Variants in ZNF318 observed in about 807,000 individuals in gnomAD.
ZNF318 encodes zinc finger protein 318.
ZNF318 carries 51 observed loss-of-function variants against 124.2 expected under a neutral mutation model. The ratio of observed to expected loss-of-function variants is 0.41; its 90% confidence interval spans 0.33 to 0.52. ZNF318 has a LOEUF of 0.52. Among genes scored for constraint, ZNF318 ranks in the 20% least tolerant of loss-of-function variants. The probability of loss-of-function intolerance (pLI) is 0.23; values close to 1 mark genes in which losing one functional copy is unlikely to be tolerated. For synonymous variants in ZNF318, 1,090 were observed against 1,040.7 expected, an observed-to-expected ratio of 1.05 and a Z score of -0.91; for missense variants, 2,815 against 2,811.2, an observed-to-expected ratio of 1.00 and a Z score of -0.03.
At chr6:43,340,621 C>T (rs1779361540) in intron 9 of ZNF318, 119 bp from the exon 10 acceptor site, 3 of 1,504,730 alleles carry the variant, frequency 2.0e-6, no homozygotes, top group Non-Finnish European at 2.6e-6. Flanking sequence ...TCCTCAAGGA[C>T]ATACGGGATG....
rs767724409 is a variant in ZNF318, at chr6:43,352,346, CAA to C, written c.2770+29_2770+30del. ...TTTGGGTCTCCTACGCAAGTTATTA[CAA>C]AAAGGCAGTCATGCAAAGCAGCTGA... On this transcript the variant is annotated intron_variant, in intron 5 of 9. Transcript: ENST00000361428. 8.2e-6 allele frequency: 12 copies of C among 1,462,572 alleles called. No homozygotes were observed. In the Admixed American group the frequency reaches 2.4e-4, roughly 29 times the overall value. The allele number at this position is 1,462,572 out of a possible 1,614,324, so 90.6% of individuals were successfully genotyped here.
At chr6:43,343,827 C>CAAAAA (rs10560070) in intron 6 of ZNF318, among the ~76,000 whole-genome samples, 1 of 101,934 alleles carries the variant, frequency 9.8e-6, no homozygotes, top group Non-Finnish European at 2.1e-5. Flanking sequence ...GACCCTGTCT[C>CAAAAA]AAAAAAAAAA....
At position 43,367,199 on chromosome 6, in the gene ZNF318, AC is replaced by A. The variant is rs1469666082; in HGVS notation, c.400-1760del. On this transcript the variant is annotated intron_variant, in intron 1 of 9. Transcript: ENST00000361428. ...CTTAGTACTTAATTACATTTAACAT[AC>A]CATCGCATTTCTAACTTCAACTTAT... 2.6e-5 allele frequency among the ~76,000 whole-genome samples: 4 copies of A among 152,262 alleles called. No individual in the cohort carries two copies. The East Asian group carries it at 5.8e-4, about 22-fold the overall frequency.
intron 2 of ZNF318, among the ~76,000 whole-genome samples, chr6:43,362,518 C>CTTTTTTTTTTTTTTT (rs1180416139): frequency 2.5e-5 from 2 of 80,896 alleles, no homozygotes; most frequent in Non-Finnish European, 4.2e-5. Flanking sequence ...ACATACACGT[C>CTTTTTTTTTTTTTTT]TTTTTTTTTT....
rs1334976144 is a variant in ZNF318 at position 43,348,411 on chromosome 6, A to G, written c.2985T>C (p.Ser995=). 1 of 1,614,018 alleles carries G rather than the reference A, an allele frequency of 6.2e-7. No individual in the cohort carries two copies. The highest frequency in any genetic ancestry group is 8.5e-7 in the Non-Finnish European group (1 of 1,180,010). ...TCCCAGGCTTCTCTGTAGGCTCTCT[A>G]CTGTCACTTAAAGACTTCTGGGATT... ...FDKSQKSLSD[S]REPTEKPGKA... The change falls in exon 6 of 10, where the codon AGT becomes AGC. Residue 995 remains serine, a synonymous_variant. Transcript: ENST00000361428.
chr6:43,355,653 C>G lies in ZNF318; in HGVS notation c.1681G>C (p.Glu561Gln), dbSNP rs1306323182. ...VPKPLGSSES[E>Q]VMRQKASSLP... ...GAGCTTGCCTTCTGCCTCATAACTT[C>G]ACTCTCAGAGCTCCCAAGGGGCTTT... Residue 561 changes from glutamate (E) to glutamine (Q), a missense_variant, in exon 4 of 10, where the codon GAA becomes CAA. By Grantham distance (29) the Glu-to-Gln change is conservative (BLOSUM62 2). Around this residue, in one of 4 missense-constraint regions of ZNF318, gnomAD observed 1,377 missense variants for 1,353.5 expected, o/e 1.02. Coordinates refer to ENST00000361428, the MANE Select transcript of ZNF318 (RefSeq NM_014345.3). The G allele has an allele frequency of 6.2e-7, 1 of 1,614,220 alleles. No homozygotes were observed. The highest frequency in any genetic ancestry group is 1.1e-5 in the South Asian group (1 of 91,086).
intron 4 of ZNF318, among the ~76,000 whole-genome samples, chr6:43,352,989 A>G (rs986970571): frequency 2.6e-5 from 4 of 152,334 alleles, no homozygotes; most frequent in South Asian, 2.1e-4. Context: ...CAATCCAGGT[A>G]TATCTGCCCT....
chr6:43,348,747 A>G (rs1581643122), intron 5 of ZNF318, 122 bp from the exon 6 acceptor site: 3 of 1,198,066 alleles, frequency 2.5e-6, no homozygotes, highest in East Asian at 2.5e-5. Context: ...AACGTTTCTA[A>G]GAGTGGCTAG....
chr6:43,340,187 A>G lies in ZNF318; in HGVS notation c.3811T>C (p.Ser1271Pro), dbSNP rs1779353039. 6.2e-7 allele frequency: 1 copy of G among 1,614,086 alleles called. No individual in the cohort carries two copies. The highest frequency in any genetic ancestry group is 8.5e-7 in the Non-Finnish European group (1 of 1,179,996). The change falls in exon 10 of 10, where the codon TCT (serine) becomes CCT (proline). Residue 1271 changes from serine (S) to proline (P), a missense_variant. Physicochemically the swap from Ser to Pro is moderately conservative, Grantham distance 74. Coordinates refer to ENST00000361428, the MANE Select transcript of ZNF318 (RefSeq NM_014345.3). ...EEVKKESPTS[S>P]SFGKFSWKKP... ...TTCCAGCTGAATTTCCCAAAAGAAG[A>G]TGATGTTGGTGATTCCTTCTTTACC...
Position 43,338,049 on chromosome 6 carries a change from T to C in ZNF318, c.5949A>G (p.Gln1983=), listed in dbSNP as rs773379361. 4.3e-6 allele frequency: 7 copies of C among 1,614,228 alleles called. No homozygotes were observed. The highest frequency in any genetic ancestry group is 1.7e-5 in the Admixed American group (1 of 60,024). Residue 1983 remains glutamine (Q), a synonymous_variant, in exon 10 of 10, where the codon CAA becomes CAG. Coordinates refer to ENST00000361428, the MANE Select transcript of ZNF318 (RefSeq NM_014345.3). ...TCACTGTTAACTCTGGATGGACATCTTGTAGCTCCAGTGCTTCTGTTTTTG... is the reference window on the plus strand; with the variant it reads ...TCACTGTTAACTCTGGATGGACATCCTGTAGCTCCAGTGCTTCTGTTTTTG... The part of the protein sequence containing the change: ...EKPKTEALEL[Q]DVHPELTVTI...
chr6:43,336,962 T>G lies in ZNF318; in HGVS notation c.*196A>C. ...ATATATATATATAAGTTGTTATCGATTTGTCTGGTGTTTTAAGGGGAAAGG... is the reference window on the plus strand; with the variant it reads ...ATATATATATATAAGTTGTTATCGAGTTGTCTGGTGTTTTAAGGGGAAAGG... On this transcript the variant is annotated 3_prime_UTR_variant, in exon 10 of 10. Transcript: ENST00000361428. 2.6e-6 allele frequency: 1 copy of G among 387,252 alleles called. No individual in the cohort carries two copies. The highest frequency in any genetic ancestry group is 2.1e-5 in the African/African-American group (1 of 48,046). The allele number at this position is 387,252 out of a possible 1,614,324, so 24.0% of individuals were successfully genotyped here. A position where few individuals can be genotyped will look rare whatever the true frequency, so the allele number is the denominator to read the frequency against.
intron 1 of ZNF318, chr6:43,368,562 G>A (rs901761528): frequency 2.4e-5 from 17 of 698,600 alleles, no homozygotes; most frequent in Admixed American, 1.3e-4. Context: ...GGACATTTCG[G>A]CTTTTTCCCC....
At chr6:43,345,514 A>C (rs545469165) in intron 6 of ZNF318, among the ~76,000 whole-genome samples, 71 of 152,334 alleles carry the variant, frequency 4.7e-4, no homozygotes, top group African/African-American at 1.7e-3. Context: ...TCAAGATGAC[A>C]GATTATCATT....
chr6:43,351,655 G>A (rs1187332444), intron 5 of ZNF318, among the ~76,000 whole-genome samples: 1 of 151,988 alleles, frequency 6.6e-6, no homozygotes, highest in Non-Finnish European at 1.5e-5. Context: ...CAGCTACTTG[G>A]GAGGCTGAGG....
rs1779586864 is a variant in ZNF318 at position 43,355,221 on chromosome 6, G to A, written c.2113C>T (p.Leu705Phe). The A allele has an allele frequency of 6.2e-7, 1 of 1,614,208 alleles. No individual in the cohort carries two copies. The highest frequency in any genetic ancestry group is 1.1e-5 in the South Asian group (1 of 91,086). The change falls in exon 4 of 10, where the codon CTC becomes TTC. Residue 705 changes from leucine to phenylalanine, a missense_variant. By Grantham distance (22) the Leu-to-Phe change is conservative (BLOSUM62 0). This residue lies in a region of ZNF318 where 1,377 missense variants were observed against 1,353.5 expected (regional missense o/e 1.02). Coordinates refer to ENST00000361428, the MANE Select transcript of ZNF318 (RefSeq NM_014345.3). ...HPPSPVDPYL[L>F]TKNSPPFLKS... ...AGGAATGGAGGGCTGTTTTTTGTGA[G>A]CAGGTAAGGATCCACAGGAGAAGGT... is the stretch of plus-strand genomic sequence containing the variant.
Position 43,342,144 on chromosome 6 carries a change from T to C in ZNF318, c.3344A>G (p.Lys1115Arg), listed in dbSNP as rs116338461. 735 of 1,614,148 alleles carry C rather than the reference T, an allele frequency of 4.6e-4. 1 individual carries two copies. The African/African-American group carries it at 8.6e-3, about 19-fold the overall frequency. The change falls in exon 8 of 10, where the codon AAG (lysine) becomes AGG (arginine). Residue 1115 changes from lysine (K) to arginine (R), a missense_variant. Coordinates refer to ENST00000361428, the MANE Select transcript of ZNF318 (RefSeq NM_014345.3). ...AGGAACAGTTATCTTGTCAGTGCGC[T>C]TTATGGCATCTTGCTTGGCCTCACT... is the stretch of plus-strand genomic sequence containing the variant. ...TQSEAKQDAI[K>R]RTDKITVPAK... is the part of the protein sequence containing the mutation.
Position 43,356,139 on chromosome 6 carries a change from TCTC to T in ZNF318, c.1192_1194del (p.Glu398del). On this transcript the variant is annotated inframe_deletion, in exon 4 of 10. Coordinates refer to ENST00000361428, the MANE Select transcript of ZNF318 (RefSeq NM_014345.3). ...CTGGAGCTGGTACTGCTGGAAAAAC[TCTC>T]AAGCTGCAAAGACAAACACAACTGA... is the stretch of plus-strand genomic sequence containing the variant. 1.2e-6 allele frequency: 2 copies of T among 1,609,422 alleles called. No homozygotes were observed. The highest frequency in any genetic ancestry group is 1.7e-6 in the Non-Finnish European group (2 of 1,178,410).
chr6:43,364,477 G>A lies in ZNF318; in HGVS notation c.548+815C>T, dbSNP rs145548131. Among the ~76,000 whole-genome samples the A allele has an allele frequency of 6.6e-5, 10 of 152,262 alleles. No individual in the cohort carries two copies. The East Asian group carries it at 9.6e-4, about 15-fold the overall frequency. On this transcript the variant is annotated intron_variant, in intron 2 of 9. Transcript: ENST00000361428. ...CGCCTAGCTATGCTCTGTGCAACAC[G>A]GCAAGCGACAGTCTCAGTTTGAAAT... is the stretch of plus-strand genomic sequence containing the variant.
chr6:43,368,780 C>G (rs1423312629), intron 1 of ZNF318, 187 bp downstream of exon 1: 3 of 985,362 alleles, frequency 3.0e-6, no homozygotes, highest in Non-Finnish European at 3.6e-6. Context: ...CGTGCGCTCC[C>G]GAGTCCGTTA....
Sources: allele counts gnomAD v4.1 joint callset (sites outside exome capture counted in the v4.1 genomes callset), GRCh38; gene constraint gnomAD v4.1.1; regional missense constraint gnomAD v4.1.1; transcripts MANE v1.5; gene names NCBI Gene and HGNC (gene_info 2026-07-23, HGNC 2026-07-21).